TRIM3: variants seen among roughly 807,000 people sequenced by gnomAD.
TRIM3 encodes the protein tripartite motif containing 3.
TRIM3 carries 13 observed loss-of-function variants against 66.6 expected under a neutral mutation model. The observed-to-expected ratio is 0.20, with a 90% confidence interval of 0.13 to 0.31. The LOEUF (loss-of-function observed/expected upper bound fraction) is 0.31, where lower values mean the gene tolerates loss of function less well. Ranked by LOEUF, TRIM3 falls within the 10% of genes least tolerant of loss-of-function variation. The pLI is 1.00. For synonymous variants in TRIM3, 406 were observed against 411.7 expected (o/e 0.99, Z 0.17); for missense variants, 711 against 1,020.4 (o/e 0.70, Z 4.13).
chr11:6,457,663 C>T lies in TRIM3; in HGVS notation c.515+33G>A, dbSNP rs758424852. 3.1e-6 allele frequency: 5 copies of T among 1,595,746 alleles called. No homozygotes were observed. The highest frequency in any genetic ancestry group is 4.3e-6 in the Non-Finnish European group (5 of 1,167,546). ...CCGAGCTAAGACACCATCCCTGTGG[C>T]CCCACCAGCCCAGGACCCTGCCCAG... On this transcript the variant is annotated intron_variant, in intron 4 of 11. Transcript: ENST00000345851. The surrounding 1 kb of genome is among the most constrained non-coding windows in gnomAD (Gnocchi z 4.5).
At chr11:6,451,661 G>A in intron 7 of TRIM3, 1 of 559,812 alleles carries the variant, frequency 1.8e-6, no homozygotes, top group Non-Finnish European at 3.2e-6. Flanking sequence ...GGAATGGTGA[G>A]AAAAGGCTCC....
In TRIM3 at chr11:6,457,037, G is replaced by A; in HGVS notation, c.697-8C>T. On this transcript the variant is annotated splice_region_variant and splice_polypyrimidine_tract_variant and intron_variant, in intron 5 of 11. Transcript: ENST00000345851. The surrounding 1 kb of genome is among the most constrained non-coding windows in gnomAD (Gnocchi z 4.5). ...CAGCTGGCTTTGCAACACCTGATGA[G>A]GGGTAGGGGAGGAGTGGGTGAGCAG... The A allele has an allele frequency of 6.3e-7, 1 of 1,580,998 alleles. No individual in the cohort carries two copies. The highest frequency in any genetic ancestry group is 8.6e-7 in the Non-Finnish European group (1 of 1,163,244).
At chr11:6,463,672 G>A (rs1183039386) in intron 2 of TRIM3, among the ~76,000 whole-genome samples, 3 of 152,228 alleles carry the variant, frequency 2.0e-5, no homozygotes, top group Admixed American at 2.0e-4. Context: ...ATCGAAAGTG[G>A]TGTAATGGGA....
rs746525323 is a variant in TRIM3, at chr11:6,458,048, G to A, written c.363+17C>T. 16 of 1,587,080 alleles carry A rather than the reference G, an allele frequency of 1.0e-5. No homozygotes were observed. Among genetic ancestry groups the A allele is most frequent in the Non-Finnish European group, 1.4e-5 (16 of 1,166,328 alleles). On this transcript the variant is annotated intron_variant, in intron 3 of 11. Transcript: ENST00000345851. The surrounding 1 kb of genome is among the most constrained non-coding windows in gnomAD (Gnocchi z 6.2). ...CCACCCCAAGTCCCGGCCTCACTGG[G>A]CCTCGCTTGGGCCCACCTTGCCTTC...
upstream of TRIM3, chr11:6,474,086 C>CCGCCAA (rs1850835726): frequency 2.0e-5 from 3 of 151,434 alleles, no homozygotes; most frequent in South Asian, 6.2e-4. Flanking sequence ...GCACGCCCCC[C>CCGCCAA]CGCCAACGCC....
chr11:6,451,164 T>G, intron 8 of TRIM3, 104 bp from the exon 9 acceptor site: 3 of 1,573,504 alleles, frequency 1.9e-6, no homozygotes, highest in Non-Finnish European at 2.6e-6. Context: ...GAACAGGGAG[T>G]AGGAGGAGGT....
Position 6,463,076 on chromosome 11 carries a change from G to T in TRIM3, c.131+2489C>A, listed in dbSNP as rs181544792. ...AAAAATTAACCGGATGTGGTGGCGTGCGCCTGTAGTCCCAGCTACTTGGGA... is the reference window on the plus strand; with the variant it reads ...AAAAATTAACCGGATGTGGTGGCGTTCGCCTGTAGTCCCAGCTACTTGGGA... On this transcript the variant is annotated intron_variant, in intron 2 of 11. Transcript: ENST00000345851. 3.2e-3 allele frequency among the ~76,000 whole-genome samples: 484 copies of T among 151,978 alleles called. 2 individuals are homozygous for T. Among genetic ancestry groups the T allele is most frequent in the African/African-American group, 0.01 (422 of 41,472 alleles).
Position 6,457,309 on chromosome 11 carries a change from C to G in TRIM3, c.683G>C (p.Gly228Ala), listed in dbSNP as rs754773960. The G allele has an allele frequency of 1.7e-5, 27 of 1,614,096 alleles. No homozygotes were observed. Among genetic ancestry groups the G allele is most frequent in the Non-Finnish European group, 2.1e-5 (25 of 1,179,998 alleles). ...ALVSDLETIC[G>A]AKQKVLQSQL... ...CACAAGACACACCTTCTGTTTGGCC[C>G]CACAAATGGTCTCCAGGTCGCTGAC... Residue 228 changes from glycine (G) to alanine (A), a missense_variant, in exon 5 of 12, where the codon GGG becomes GCG. Physicochemically the swap from Gly to Ala is moderately conservative, Grantham distance 60. Transcript: ENST00000345851. This position sits in a 1 kb window ranked among gnomAD's most constrained non-coding sequence, Gnocchi z 4.5.
Position 6,448,821 on chromosome 11 carries a change from G to T in TRIM3, c.*207C>A, listed in dbSNP as rs1849604014. ...CTCTGCACACATCCTTGGGACCACA[G>T]TCCAGGCTCACCCAGTCACCAAAGC... On this transcript the variant is annotated 3_prime_UTR_variant, in exon 12 of 12. Transcript: ENST00000345851. 1 of 643,048 alleles carries T rather than the reference G, an allele frequency of 1.6e-6. No individual in the cohort carries two copies. Among genetic ancestry groups the T allele is most frequent in the Non-Finnish European group, 2.7e-6 (1 of 365,514 alleles). The allele number at this position is 643,048 out of a possible 1,614,324, so 39.8% of individuals were successfully genotyped here. A position where few individuals can be genotyped will look rare whatever the true frequency, so the allele number is the denominator to read the frequency against.
At chr11:6,465,012 G>C (rs1193248915) in intron 2 of TRIM3, among the ~76,000 whole-genome samples, 1 of 117,190 alleles carries the variant, frequency 8.5e-6, no homozygotes, top group Non-Finnish European at 1.9e-5. Flanking sequence ...AAAAAAAAAA[G>C]AGTAAGGATC....
chr11:6,466,037 T>A (rs1367700199), intron 1 of TRIM3, among the ~76,000 whole-genome samples: 1 of 152,192 alleles, frequency 6.6e-6, no homozygotes, highest in Non-Finnish European at 1.5e-5. Context: ...GAATAATAAT[T>A]TGAGAGTGTG....
intron 2 of TRIM3, among the ~76,000 whole-genome samples, chr11:6,459,478 G>A (rs1850129521): frequency 1.3e-5 from 2 of 152,236 alleles, no homozygotes; most frequent in Admixed American, 6.5e-5. Context: ...CATTTATTAA[G>A]TGCATATGTG....
Position 6,448,899 on chromosome 11 carries a change from G to C in TRIM3, c.*129C>G. 2 of 1,170,806 alleles carry C rather than the reference G, an allele frequency of 1.7e-6. No individual in the cohort carries two copies. The highest frequency in any genetic ancestry group is 2.5e-6 in the Non-Finnish European group (2 of 804,366). 72.5% of individuals were successfully genotyped at this position (1,170,806 alleles called of 1,614,324 possible). On this transcript the variant is annotated 3_prime_UTR_variant, in exon 12 of 12. Transcript: ENST00000345851. ...TGGGGGTGGGGGTAGGAGAGGGAGG[G>C]CACCGGGTGCACCCATGCCCACAGC... is the stretch of plus-strand genomic sequence containing the variant.
intron 1 of TRIM3, among the ~76,000 whole-genome samples, chr11:6,470,154 T>C (rs1850624197): frequency 1.3e-5 from 2 of 152,204 alleles, no homozygotes; most frequent in Non-Finnish European, 2.9e-5. Flanking sequence ...TTGGCTGCTA[T>C]GTGGAAAATA....
rs770574395 is a variant in TRIM3 at position 6,450,885 on chromosome 11, C to T, written c.1870+7G>A. ...TCAGCATAGATCTTGGAGCTGTCCC[C>T]CTATACCTGCAAAGTGGCGGTCAGT... On this transcript the variant is annotated splice_region_variant and intron_variant, in intron 9 of 11. Coordinates refer to ENST00000345851, the MANE Select transcript of TRIM3 (RefSeq NM_033278.4). This position sits in a 1 kb window ranked among gnomAD's most constrained non-coding sequence, Gnocchi z 4.8. The T allele has an allele frequency of 1.9e-6, 3 of 1,613,964 alleles. No individual in the cohort carries two copies. Among genetic ancestry groups the T allele is most frequent in the African/African-American group, 1.3e-5 (1 of 74,880 alleles).
At chr11:6,473,000 G>A (rs1850753033) in intron 1 of TRIM3, 1 of 152,730 alleles carries the variant, frequency 6.5e-6, no homozygotes, top group African/African-American at 2.4e-5. Flanking sequence ...CTTCCTGCTA[G>A]GGCCAGTCCT....
rs1463448700 is a variant in TRIM3 at position 6,458,529 on chromosome 11, TCA to T, written c.132-235_132-234del. Among the ~76,000 whole-genome samples the T allele has an allele frequency of 1.3e-5, 2 of 152,168 alleles. No individual in the cohort carries two copies. The highest frequency in any genetic ancestry group is 2.9e-5 in the Non-Finnish European group (2 of 68,024). On this transcript the variant is annotated intron_variant, in intron 2 of 11. Transcript: ENST00000345851. This position sits in a 1 kb window ranked among gnomAD's most constrained non-coding sequence, Gnocchi z 6.2. ...CAGAAGAGCAGACTATCCACATTCC[TCA>T]CAGTGTGCACACAGGCTCACCTTTC...
chr11:6,454,939 C>T (rs143396438), intron 7 of TRIM3, among the ~76,000 whole-genome samples: 3 of 152,148 alleles, frequency 2.0e-5, no homozygotes, highest in East Asian at 3.9e-4. Flanking sequence ...TAAAATGTTT[C>T]GAAGAAGTAA....
chr11:6,454,664 C>T (rs1827178137), intron 7 of TRIM3, among the ~76,000 whole-genome samples: 1 of 152,178 alleles, frequency 6.6e-6, no homozygotes, highest in South Asian at 2.1e-4. Context: ...CCTTCCTGTG[C>T]TGCACAGGGC....
Sources: allele counts gnomAD v4.1 joint callset (sites outside exome capture counted in the v4.1 genomes callset), GRCh38; gene constraint gnomAD v4.1.1; non-coding constraint Gnocchi (gnomAD v3.1); transcripts MANE v1.5; gene names NCBI Gene and HGNC (gene_info 2026-07-23, HGNC 2026-07-21).